Variants in ELF2 observed in about 807,000 individuals in gnomAD.
The protein encoded by ELF2 is ETS-related transcription factor Elf-2.
Under a neutral mutation model 54.8 loss-of-function variants are expected in ELF2, and 11 were observed. The ratio of observed to expected loss-of-function variants is 0.20; its 90% CI spans 0.13 to 0.33. ELF2 has a LOEUF of 0.33. Among genes scored for constraint, ELF2 ranks in the 10% least tolerant of loss-of-function variants. ELF2 has a pLI of 1.00. For missense variants in ELF2, 513 were observed against 703.0 expected (o/e 0.73, Z 3.06); for synonymous variants, 203 against 245.1 (o/e 0.83, Z 1.61).
At chr4:139,168,549 A>G (rs1025770671) in intron 1 of ELF2, among the ~76,000 whole-genome samples, 3 of 152,020 alleles carry the variant, frequency 2.0e-5, no homozygotes, top group Non-Finnish European at 4.4e-5. Context: ...ACTCCCTCCA[A>G]ACTTCCCTTG....
At chr4:139,074,070 G>A (rs925888491) in intron 4 of ELF2, among the ~76,000 whole-genome samples, 1 of 152,230 alleles carries the variant, frequency 6.6e-6, no homozygotes, top group Admixed American at 6.5e-5. Flanking sequence ...AGAGGTTGCA[G>A]TGAGCTGAGA....
At chr4:139,090,732 T>A (rs940187902) in intron 4 of ELF2, among the ~76,000 whole-genome samples, 1 of 152,014 alleles carries the variant, frequency 6.6e-6, no homozygotes, top group African/African-American at 2.4e-5. Context: ...GTAGCTGGGA[T>A]TACAAGCACA....
chr4:139,137,051 C>T (rs998384855), intron 3 of ELF2: 1 of 152,222 alleles, frequency 6.6e-6, no homozygotes, highest in African/African-American at 2.4e-5. Context: ...TTTTTATTCT[C>T]ATCTAATTCT....
At chr4:139,099,669 C>G (rs1162566398) in intron 4 of ELF2, among the ~76,000 whole-genome samples, 1 of 152,130 alleles carries the variant, frequency 6.6e-6, no homozygotes, top group East Asian at 1.9e-4. Context: ...CCTCCTATAC[C>G]CAGACTGACC....
chr4:139,120,371 T>C (rs1326703390), intron 4 of ELF2, among the ~76,000 whole-genome samples: 1 of 152,188 alleles, frequency 6.6e-6, no homozygotes, highest in Non-Finnish European at 1.5e-5. Context: ...CATACTACAA[T>C]AGCTAGTCTT....
chr4:139,071,232 T>C (rs927903465), intron 6 of ELF2, among the ~76,000 whole-genome samples: 2 of 152,026 alleles, frequency 1.3e-5, no homozygotes, highest in African/African-American at 2.4e-5. Flanking sequence ...TAGCATGATA[T>C]ATAATAAATG....
At chr4:139,164,293 C>T (rs374188064) in intron 1 of ELF2, among the ~76,000 whole-genome samples, 9 of 151,910 alleles carry the variant, frequency 5.9e-5, no homozygotes, top group African/African-American at 2.2e-4. Context: ...TTTTTTCATA[C>T]GATTAAGTTG....
At chr4:139,102,674 C>G (rs1247609425) in intron 4 of ELF2, among the ~76,000 whole-genome samples, 1 of 139,316 alleles carries the variant, frequency 7.2e-6, no homozygotes, top group Non-Finnish European at 1.6e-5. Flanking sequence ...AACCCCATCT[C>G]TACTAAAAAT....
At chr4:139,152,403 C>T (rs559497322) in intron 1 of ELF2, among the ~76,000 whole-genome samples, 1 of 151,826 alleles carries the variant, frequency 6.6e-6, no homozygotes, top group African/African-American at 2.4e-5. Flanking sequence ...GGCTCAATCA[C>T]GGCTCACTGC....
At chr4:139,131,999 T>A (rs534236302) in intron 3 of ELF2, among the ~76,000 whole-genome samples, 1 of 152,318 alleles carries the variant, frequency 6.6e-6, no homozygotes, top group East Asian at 1.9e-4. Context: ...ATTCCATTTA[T>A]ATATTTATTT....
At chr4:139,144,837 C>G (rs1431919694) in intron 1 of ELF2, among the ~76,000 whole-genome samples, 1 of 152,212 alleles carries the variant, frequency 6.6e-6, no homozygotes, top group Non-Finnish European at 1.5e-5. Flanking sequence ...TGTGCTTACA[C>G]CACACATGCA....
intron 4 of ELF2, among the ~76,000 whole-genome samples, chr4:139,074,179 AGG>A (rs1729940807): frequency 6.6e-6 from 1 of 152,172 alleles, no homozygotes; most frequent in Admixed American, 6.5e-5. Context: ...TCTTACTCAA[AGG>A]AAAACAAAGA....
chr4:139,083,237 G>C (rs781718719), intron 4 of ELF2, among the ~76,000 whole-genome samples: 2 of 152,098 alleles, frequency 1.3e-5, no homozygotes, highest in Non-Finnish European at 2.9e-5. Flanking sequence ...CTAGGGCCAA[G>C]ACTCCCTCCC....
intron 4 of ELF2, among the ~76,000 whole-genome samples, chr4:139,112,745 G>T (rs1026251549): frequency 2.6e-5 from 4 of 151,658 alleles, no homozygotes; most frequent in African/African-American, 9.7e-5. Flanking sequence ...ATTCTTGGGT[G>T]TTTCTCGGAG....
chr4:139,121,330 G>A (rs112411777), intron 4 of ELF2, among the ~76,000 whole-genome samples: 3,856 of 151,226 alleles, frequency 0.025, 96 homozygotes, highest in South Asian at 0.14. Flanking sequence ...GGATGGTCTC[G>A]ATCTCCTGAC....
chr4:139,154,594 C>CAT (rs1740338737), intron 1 of ELF2, among the ~76,000 whole-genome samples: 1 of 151,416 alleles, frequency 6.6e-6, no homozygotes, highest in East Asian at 1.9e-4. Context: ...AAAAAAGCTA[C>CAT]ATACTTCCCT....
At chr4:139,073,985 G>A (rs988138642) in intron 4 of ELF2, among the ~76,000 whole-genome samples, 4 of 152,142 alleles carry the variant, frequency 2.6e-5, no homozygotes, top group African/African-American at 7.2e-5. Context: ...AAAATTAGCT[G>A]AGCGTGGTGG....
chr4:139,122,496 T>TTTTTG (rs55655731), intron 4 of ELF2, among the ~76,000 whole-genome samples: 2,148 of 150,570 alleles, frequency 0.014, 23 homozygotes, highest in African/African-American at 0.026. Flanking sequence ...CTTTTTTTAG[T>TTTTTG]TTTTGTTTTG....
intron 4 of ELF2, among the ~76,000 whole-genome samples, chr4:139,104,909 C>T (rs1387997845): frequency 6.6e-6 from 1 of 152,156 alleles, no homozygotes; most frequent in Non-Finnish European, 1.5e-5. Flanking sequence ...TCACCTTTCC[C>T]CAACCCTATC....
Sources: allele counts gnomAD v4.1 joint callset (sites outside exome capture counted in the v4.1 genomes callset), GRCh38; gene constraint gnomAD v4.1.1; transcripts MANE v1.5; gene names NCBI Gene and HGNC (gene_info 2026-07-23, HGNC 2026-07-21).